The following PLEKHM3 variants were observed in gnomAD, a reference collection of about 807,000 sequenced individuals.
PLEKHM3 encodes the protein pleckstrin homology domain-containing family M member 3.
Under a neutral mutation model 81.8 loss-of-function variants are expected in PLEKHM3, and 45 were observed. The ratio of observed to expected loss-of-function variants is 0.55; its 90% CI spans 0.43 to 0.71. The LOEUF (loss-of-function observed/expected upper bound fraction) is 0.71, where lower values mean the gene tolerates loss of function less well. PLEKHM3 is among the 30% of genes least tolerant of loss of function. The probability of loss-of-function intolerance (pLI) is 0.00; values close to 1 mark genes in which losing one functional copy is unlikely to be tolerated. For missense variants in PLEKHM3, 788 were observed against 924.3 expected (o/e 0.85, Z 1.91); for synonymous variants, 352 against 356.4 (o/e 0.99, Z 0.14).
At chr2:207,999,845 A>G (rs1024053972) in intron 2 of PLEKHM3, among the ~76,000 whole-genome samples, 2 of 152,226 alleles carry the variant, frequency 1.3e-5, no homozygotes, top group African/African-American at 4.8e-5. Context: ...GCTAATTTTT[A>G]TAATTAGAAT....
intron 4 of PLEKHM3, among the ~76,000 whole-genome samples, chr2:207,936,208 C>T (rs1210318241): frequency 6.6e-6 from 1 of 152,150 alleles, no homozygotes; most frequent in African/African-American, 2.4e-5. Context: ...TGGTCTCAAG[C>T]AAATCCTTCT....
chr2:207,914,392 G>A (rs1688914989), intron 5 of PLEKHM3, among the ~76,000 whole-genome samples: 2 of 152,060 alleles, frequency 1.3e-5, no homozygotes, highest in African/African-American at 4.8e-5. Context: ...CAGCTACTCA[G>A]GAGGCTGAGG....
At chr2:207,900,962 A>G in intron 6 of PLEKHM3, 1 of 371,586 alleles carries the variant, frequency 2.7e-6, no homozygotes, top group Non-Finnish European at 4.8e-6. Flanking sequence ...AACAACAACA[A>G]CAGCACTCAG....
At chr2:207,979,169 T>C (rs1455838207) in intron 2 of PLEKHM3, among the ~76,000 whole-genome samples, 2 of 152,224 alleles carry the variant, frequency 1.3e-5, no homozygotes, top group Non-Finnish European at 2.9e-5. Context: ...TTAGCTGCAA[T>C]ATATACTAGT....
intron 5 of PLEKHM3, among the ~76,000 whole-genome samples, chr2:207,924,585 T>C (rs1029423288): frequency 6.6e-6 from 1 of 152,138 alleles, no homozygotes; most frequent in African/African-American, 2.4e-5. Flanking sequence ...TTCAGGAGGC[T>C]GAGGCAGGAG....
At chr2:207,932,671 A>G (rs764165017) in intron 4 of PLEKHM3, among the ~76,000 whole-genome samples, 5 of 152,170 alleles carry the variant, frequency 3.3e-5, no homozygotes, top group Admixed American at 3.3e-4. Flanking sequence ...ATCTGCTACA[A>G]AAGAGGTATG....
At chr2:207,905,639 C>T (rs1688577266) in intron 6 of PLEKHM3, among the ~76,000 whole-genome samples, 1 of 152,228 alleles carries the variant, frequency 6.6e-6, no homozygotes, top group Admixed American at 6.5e-5. Context: ...ATTTAACCCA[C>T]CTCAGGCAGA....
At position 207,832,805 on chromosome 2, in the gene PLEKHM3, C is replaced by G. The variant is rs894157116; in HGVS notation, c.2109-4309G>C. 4.2e-5 allele frequency among the ~76,000 whole-genome samples: 6 copies of G among 144,480 alleles called. No individual in the cohort carries two copies. In the South Asian group the frequency reaches 8.8e-4, roughly 21 times the overall value. 94.8% of individuals were successfully genotyped at this position (144,480 alleles called of 152,430 possible). ...AGACTCCCTCCCCCTGCACCTCCCC[C>G]ACACCAGAAAAAAAAGATTCATTGG... On this transcript the variant is annotated intron_variant, in intron 7 of 7. Transcript: ENST00000427836.
At chr2:208,002,161 C>T (rs1022139823) in intron 1 of PLEKHM3, among the ~76,000 whole-genome samples, 7 of 152,200 alleles carry the variant, frequency 4.6e-5, no homozygotes, top group African/African-American at 1.7e-4. Flanking sequence ...CAGGGAGGAA[C>T]ACTTGATAAG....
chr2:207,886,091 T>C (rs1188526939), intron 6 of PLEKHM3, among the ~76,000 whole-genome samples: 1 of 152,098 alleles, frequency 6.6e-6, no homozygotes, highest in African/African-American at 2.4e-5. Flanking sequence ...AAACAAAAGC[T>C]ACCATCTATT....
chr2:207,937,109 C>T (rs1027853314), intron 4 of PLEKHM3, among the ~76,000 whole-genome samples: 6 of 151,992 alleles, frequency 3.9e-5, no homozygotes, highest in African/African-American at 7.3e-5. Context: ...TATGTACGCA[C>T]GCCCCCTTTT....
At chr2:207,910,333 A>G (rs1405738209) in intron 5 of PLEKHM3, among the ~76,000 whole-genome samples, 2 of 152,180 alleles carry the variant, frequency 1.3e-5, no homozygotes, top group African/African-American at 4.8e-5. Context: ...AGATGTAATC[A>G]ACCTCCATTT....
At chr2:208,013,996 C>G (rs1692789872) in intron 1 of PLEKHM3, among the ~76,000 whole-genome samples, 1 of 152,120 alleles carries the variant, frequency 6.6e-6, no homozygotes, top group Non-Finnish European at 1.5e-5. Flanking sequence ...ACTGGCATCC[C>G]GAGAGTATGA....
intron 2 of PLEKHM3, among the ~76,000 whole-genome samples, chr2:207,989,674 C>T (rs115453743): frequency 0.028 from 4,326 of 152,284 alleles, 89 homozygotes; most frequent in Middle Eastern, 0.085. Flanking sequence ...CCAATCATTC[C>T]ATGCACTGTT....
At chr2:208,018,485 C>A (rs1454322390) in intron 1 of PLEKHM3, among the ~76,000 whole-genome samples, 1 of 152,104 alleles carries the variant, frequency 6.6e-6, no homozygotes, top group Admixed American at 6.5e-5. Flanking sequence ...CCCCTCCTCC[C>A]AACATTCACC....
intron 2 of PLEKHM3, 99 bp from the exon 3 acceptor site, chr2:207,977,685 C>A: frequency 1.0e-6 from 1 of 974,950 alleles, no homozygotes; most frequent in Non-Finnish European, 1.5e-6. Context: ...CCACACAGAT[C>A]AGGGACTGAC....
chr2:207,883,566 T>G (rs1687776964), intron 6 of PLEKHM3, among the ~76,000 whole-genome samples: 1 of 152,216 alleles, frequency 6.6e-6, no homozygotes, highest in South Asian at 2.1e-4. Flanking sequence ...TAGTGAGCAT[T>G]GAGCATTTTG....
At chr2:207,871,679 T>G (rs10174242) in intron 6 of PLEKHM3, among the ~76,000 whole-genome samples, 4,966 of 151,590 alleles carry the variant, frequency 0.033, 265 homozygotes, top group African/African-American at 0.11. Context: ...GCCTCAAGGG[T>G]TGTGGTTTAG....
chr2:207,880,841 T>G (rs1278711728), intron 6 of PLEKHM3, among the ~76,000 whole-genome samples: 1 of 116,770 alleles, frequency 8.6e-6, no homozygotes, highest in African/African-American at 3.3e-5. Flanking sequence ...AAAATAGATA[T>G]GCAAAGTCAA....
Sources: gnomAD v4.1 joint callset for allele counts (sites outside exome capture counted in the v4.1 genomes callset) on GRCh38, gnomAD v4.1.1 for gene constraint, MANE v1.5 for transcripts, NCBI Gene and HGNC (gene_info 2026-07-23, HGNC 2026-07-21) for gene names.